The following DHRS12 variants were observed in gnomAD, a reference collection of about 807,000 sequenced individuals.
The protein encoded by DHRS12 is dehydrogenase/reductase SDR family member 12.
Under a neutral mutation model 32.1 loss-of-function variants are expected in DHRS12, and 29 were observed. The ratio of observed to expected loss-of-function variants is 0.90; its 90% CI spans 0.67 to 1.23. The LOEUF is 1.23. Ranked by LOEUF, DHRS12 falls within the 50% of genes most tolerant of loss-of-function variation. DHRS12 has a pLI of 0.00. For synonymous variants in DHRS12, 150 were observed against 135.9 expected, an observed-to-expected ratio of 1.10 and a Z score of -0.72; for missense variants, 330 against 337.2, an observed-to-expected ratio of 0.98 and a Z score of 0.17.
Position 51,789,989 on chromosome 13 carries a change from T to C in DHRS12, c.301+22A>G, listed in dbSNP as rs539438975. ...CTATGTTTATTTTGCTAAAAACAAA[T>C]AAGAAAACTTCTTGTACTTACCCAG... On this transcript the variant is annotated intron_variant, in intron 4 of 8. Transcript: ENST00000444610. The C allele has an allele frequency of 2.9e-5, 45 of 1,570,264 alleles. No individual in the cohort carries two copies. In the East Asian group the frequency reaches 9.6e-4, roughly 34 times the overall value.
In DHRS12 at chr13:51,772,539, C is replaced by T. The variant is rs140675526; in HGVS notation, c.469-628G>A. 1.4e-5 allele frequency: 11 copies of T among 784,438 alleles called. No individual in the cohort carries two copies. In the African/African-American group the frequency reaches 2.1e-4, roughly 15 times the overall value. 48.6% of individuals were successfully genotyped at this position (784,438 alleles called of 1,614,324 possible). ...TTTTGGAGCTGTAATCCCAGCTACT[C>T]AGGAGGCTGAGGTAGGAGAATTGCT... On this transcript the variant is annotated intron_variant, in intron 6 of 8. Transcript: ENST00000444610.
rs760166014 is a variant in DHRS12 at position 51,768,187 on chromosome 13, C to G, written c.807G>C (p.Ter269TyrextTer24). The change falls in exon 9 of 9, where the codon TAG becomes TAC. Residue 269 changes from the stop codon to tyrosine (Y), a stop_lost. Coordinates refer to ENST00000444610, the MANE Select transcript of DHRS12 (RefSeq NM_001377533.1). ...ILEQLAQTFK* is the reference protein window; with the variant it reads ...ILEQLAQTFKY ...GGTACCGCACTGTGTCTGGGTTGGC[C>G]TATTTAAATGTCTGAGCCAGCTGTT... 1.8e-4 allele frequency: 284 copies of G among 1,536,008 alleles called. No individual in the cohort carries two copies. Among genetic ancestry groups the G allele is most frequent in the Non-Finnish European group, 2.4e-4 (278 of 1,146,916 alleles).
intron 6 of DHRS12, chr13:51,772,725 G>T (rs566947566): frequency 1.0e-6 from 1 of 985,366 alleles, no homozygotes; most frequent in Non-Finnish European, 1.2e-6. Context: ...CCCATCCCAG[G>T]GTAGTTTGAT....
At chr13:51,773,724 T>C (rs1954161927) in intron 6 of DHRS12, among the ~76,000 whole-genome samples, 2 of 151,592 alleles carry the variant, frequency 1.3e-5, no homozygotes, top group Admixed American at 6.6e-5. Flanking sequence ...GCTTTGTGGC[T>C]CCTCCCAGGA....
chr13:51,770,700 G>C, intron 7 of DHRS12: 1 of 964,474 alleles, frequency 1.0e-6, no homozygotes, highest in Non-Finnish European at 1.2e-6. Context: ...GTCTCCATGA[G>C]ATGCCACAAA....
the DHRS12 span, chr13:51,756,269 G>C: frequency 6.4e-7 from 1 of 1,556,870 alleles, no homozygotes; most frequent in African/African-American, 1.4e-5. Context: ...GGAGGGGTGA[G>C]ATGCGGGGGC....
intron 2 of DHRS12, among the ~76,000 whole-genome samples, chr13:51,792,294 A>C (rs767646309): frequency 2.0e-5 from 3 of 152,174 alleles, no homozygotes; most frequent in Non-Finnish European, 4.4e-5. Context: ...TAGCATCCTG[A>C]GAGGTGTGAG....
intron 6 of DHRS12, chr13:51,772,565 T>C (rs1307648371): frequency 1.1e-6 from 1 of 951,360 alleles, no homozygotes; most frequent in Non-Finnish European, 1.3e-6. Context: ...GAGAATTGCT[T>C]AAACCAAGGA....
chr13:51,803,993 G>C (rs1425236437), intron 1 of DHRS12, 61 bp downstream of exon 1: 2 of 1,390,284 alleles, frequency 1.4e-6, no homozygotes, highest in Middle Eastern at 2.5e-4. Context: ...AACCCTGCTC[G>C]CCCGCGCCGA....
intron 2 of DHRS12, among the ~76,000 whole-genome samples, chr13:51,793,997 T>G (rs1955397628): frequency 6.6e-6 from 1 of 152,210 alleles, no homozygotes; most frequent in Admixed American, 6.5e-5. Flanking sequence ...GCCACGGAGC[T>G]GGTGACATGA....
At chr13:51,777,270 T>A in intron 4 of DHRS12, 149 bp from the exon 5 acceptor site, 1 of 734,640 alleles carries the variant, frequency 1.4e-6, no homozygotes, top group South Asian at 1.6e-5. Flanking sequence ...CTTCCGAGGA[T>A]CCTTCAAGCC....
rs776314180 is a variant in DHRS12, at chr13:51,774,054, GATTT to G, written c.364-24_364-21del. 16 of 1,609,204 alleles carry G rather than the reference GATTT, an allele frequency of 9.9e-6. No homozygotes were observed. In the African/African-American group the frequency reaches 2.1e-4, roughly 22 times the overall value. ...GGTTATCTGCAATAAAGGTAACAGA[GATTT>G]ACAAACTAAAGCCTGTGACCCCTTC... On this transcript the variant is annotated intron_variant, in intron 5 of 8. Coordinates refer to ENST00000444610, the MANE Select transcript of DHRS12 (RefSeq NM_001377533.1).
At chr13:51,756,290 G>A in the DHRS12 span, 1 of 1,583,354 alleles carries the variant, frequency 6.3e-7, no homozygotes. Context: ...CTCAGGAGCT[G>A]AGGGAGCCGT....
At chr13:51,797,170 A>G (rs1955545210) in intron 2 of DHRS12, among the ~76,000 whole-genome samples, 1 of 152,226 alleles carries the variant, frequency 6.6e-6, no homozygotes, top group Non-Finnish European at 1.5e-5. Flanking sequence ...TGGCTACACG[A>G]TGGATCATGG....
At chr13:51,778,044 G>A (rs560206742) in intron 4 of DHRS12, among the ~76,000 whole-genome samples, 4 of 152,304 alleles carry the variant, frequency 2.6e-5, no homozygotes, top group African/African-American at 9.6e-5. Flanking sequence ...TTCCTGCACC[G>A]CCCGCCATGT....
chr13:51,787,012 G>A (rs113154597), intron 4 of DHRS12, among the ~76,000 whole-genome samples: 168 of 152,266 alleles, frequency 1.1e-3, no homozygotes, highest in Admixed American at 4.1e-3. Context: ...TAACCTCTCT[G>A]TATCTCCTTC....
intron 4 of DHRS12, among the ~76,000 whole-genome samples, chr13:51,788,121 C>T (rs932752781): frequency 7.9e-5 from 12 of 151,216 alleles, no homozygotes; most frequent in Admixed American, 5.3e-4. Flanking sequence ...TCTGTGGTCG[C>T]TGCATTGAAA....
intron 7 of DHRS12, chr13:51,771,360 C>A: frequency 1.2e-6 from 2 of 1,613,114 alleles, no homozygotes; most frequent in South Asian, 2.2e-5. Context: ...GCTGCTCCAA[C>A]ACGCTTCCAG....
rs756518745 is a variant in DHRS12 at position 51,799,685 on chromosome 13, A to C, written c.-8-18T>G. On this transcript the variant is annotated intron_variant, in intron 1 of 8. Transcript: ENST00000444610. The stretch of plus-strand genomic sequence containing the variant: ...AGCCACTCCTAGAAAGAGGAGACCC[A>C]CAGGAAGACCAGCTGTAAGGAGTGG... 1.2e-6 allele frequency: 2 copies of C among 1,612,352 alleles called. No individual in the cohort carries two copies. Among genetic ancestry groups the C allele is most frequent in the South Asian group, 2.2e-5 (2 of 90,960 alleles).
Sources: gnomAD v4.1 joint callset for allele counts (sites outside exome capture counted in the v4.1 genomes callset) on GRCh38, gnomAD v4.1.1 for gene constraint, MANE v1.5 for transcripts, NCBI Gene and HGNC (gene_info 2026-07-23, HGNC 2026-07-21) for gene names.